The following SLC24A2 variants were observed in gnomAD, a reference collection of about 807,000 sequenced individuals.
The protein encoded by SLC24A2 is sodium/potassium/calcium exchanger 2.
A neutral mutation model predicts 62.0 loss-of-function variants in SLC24A2; 36 were observed. The ratio of observed to expected loss-of-function variants is 0.58; its 90% CI spans 0.44 to 0.77. The LOEUF is 0.77. Ranked by LOEUF, SLC24A2 falls within the 30% of genes least tolerant of loss-of-function variation. The probability of loss-of-function intolerance (pLI) is 0.00; values close to 1 mark genes in which losing one functional copy is unlikely to be tolerated. For synonymous variants in SLC24A2, 358 were observed against 294.0 expected (o/e 1.22, Z -2.23); for missense variants, 846 against 817.9 (o/e 1.03, Z -0.42).
the SLC24A2 span, among the ~76,000 whole-genome samples, chr9:20,206,884 G>GGA: frequency 2.3e-4 from 34 of 149,306 alleles, 1 homozygote; most frequent in East Asian, 6.2e-3. Flanking sequence ...ACTAAGTTGG[G>GGA]GGGGGCGGTT....
the SLC24A2 span, among the ~76,000 whole-genome samples, chr9:19,857,269 C>T: frequency 6.6e-6 from 1 of 152,334 alleles, no homozygotes; most frequent in East Asian, 1.9e-4. Context: ...CTATTACTGA[C>T]TTTGACCCTC....
At chr9:19,679,878 G>GTC (rs1554697554) in intron 2 of SLC24A2, among the ~76,000 whole-genome samples, 24 of 132,568 alleles carry the variant, frequency 1.8e-4, no homozygotes, top group African/African-American at 5.1e-4. Flanking sequence ...GTGTGTGTGT[G>GTC]TGTGTCTGTG....
chr9:19,517,910 A>AAC (rs56840950), intron 10 of SLC24A2, among the ~76,000 whole-genome samples: 10,440 of 131,490 alleles, frequency 0.079, 364 homozygotes, highest in African/African-American at 0.12. Flanking sequence ...TTCTTATTAA[A>AAC]ACACACACAC....
chr9:19,661,065 A>G (rs2118238859), intron 2 of SLC24A2, among the ~76,000 whole-genome samples: 1 of 152,316 alleles, frequency 6.6e-6, no homozygotes, highest in Middle Eastern at 3.4e-3. Context: ...TGAAATACTT[A>G]CAGGCCTTGC....
At chr9:19,733,412 C>G (rs566220739) in intron 2 of SLC24A2, among the ~76,000 whole-genome samples, 7 of 152,298 alleles carry the variant, frequency 4.6e-5, no homozygotes, top group East Asian at 1.9e-4. Context: ...CTTCAGTCAT[C>G]CAGCCCATTG....
chr9:19,769,003 T>C (rs1439342553), intron 2 of SLC24A2, among the ~76,000 whole-genome samples: 1 of 152,224 alleles, frequency 6.6e-6, no homozygotes, highest in Non-Finnish European at 1.5e-5. Context: ...TACACTCTCG[T>C]GTCTGAACTT....
chr9:20,237,147 CTG>C, the SLC24A2 span, among the ~76,000 whole-genome samples: 3 of 152,206 alleles, frequency 2.0e-5, no homozygotes, highest in Admixed American at 6.5e-5. Context: ...CTTTGTGAAA[CTG>C]TGAAATTTGC....
chr9:19,747,377 A>G (rs1704361981), intron 2 of SLC24A2, among the ~76,000 whole-genome samples: 1 of 152,160 alleles, frequency 6.6e-6, no homozygotes, highest in South Asian at 2.1e-4. Context: ...CATAAAATAC[A>G]CACACAATTT....
At chr9:19,912,705 C>T in the SLC24A2 span, among the ~76,000 whole-genome samples, 1 of 152,114 alleles carries the variant, frequency 6.6e-6, no homozygotes, top group South Asian at 2.1e-4. Flanking sequence ...CTGGAACCTC[C>T]CAGCTCACAT....
the SLC24A2 span, among the ~76,000 whole-genome samples, chr9:19,997,059 A>G: frequency 6.6e-6 from 1 of 150,870 alleles, no homozygotes; most frequent in Non-Finnish European, 1.5e-5. Context: ...CAAAAAAAGC[A>G]AACAATTTGC....
the SLC24A2 span, among the ~76,000 whole-genome samples, chr9:19,971,364 T>C: frequency 6.6e-6 from 1 of 152,196 alleles, no homozygotes; most frequent in Admixed American, 6.5e-5. Flanking sequence ...AGATAACTAA[T>C]ACAAAACCTA....
At chr9:20,204,091 T>C in the SLC24A2 span, among the ~76,000 whole-genome samples, 2 of 152,248 alleles carry the variant, frequency 1.3e-5, no homozygotes, top group Non-Finnish European at 2.9e-5. Context: ...ATATGTTAAA[T>C]TCAGATGTAA....
At chr9:19,711,242 A>G (rs1024961375) in intron 2 of SLC24A2, among the ~76,000 whole-genome samples, 1 of 152,200 alleles carries the variant, frequency 6.6e-6, no homozygotes, top group Non-Finnish European at 1.5e-5. Flanking sequence ...CAGAGGCTAC[A>G]TGATGTGTGA....
the SLC24A2 span, among the ~76,000 whole-genome samples, chr9:19,993,276 A>G: frequency 6.6e-6 from 1 of 152,222 alleles, no homozygotes; most frequent in Admixed American, 6.5e-5. Flanking sequence ...GCATATCCAC[A>G]TGCTAGCTTT....
intron 7 of SLC24A2, among the ~76,000 whole-genome samples, chr9:19,559,762 A>C (rs561149699): frequency 6.6e-6 from 1 of 152,320 alleles, no homozygotes; most frequent in Non-Finnish European, 1.5e-5. Flanking sequence ...CACCCAAAAC[A>C]GTGGCTGGCT....
chr9:19,783,792 A>G (rs1823083225), intron 2 of SLC24A2, among the ~76,000 whole-genome samples: 1 of 152,158 alleles, frequency 6.6e-6, no homozygotes, highest in Admixed American at 6.5e-5. Context: ...CATTTTTTTG[A>G]GAAGTACAAA....
At chr9:20,220,875 C>T in the SLC24A2 span, among the ~76,000 whole-genome samples, 1 of 152,136 alleles carries the variant, frequency 6.6e-6, no homozygotes, top group Non-Finnish European at 1.5e-5. Context: ...AGAACTTTCA[C>T]CTCTAAAGGA....
At chr9:19,542,697 G>A (rs1417133252) in intron 8 of SLC24A2, among the ~76,000 whole-genome samples, 3 of 152,132 alleles carry the variant, frequency 2.0e-5, no homozygotes, top group African/African-American at 7.2e-5. Flanking sequence ...AAATAATCAC[G>A]TGCTTTTTGT....
At chr9:20,144,569 T>C in the SLC24A2 span, among the ~76,000 whole-genome samples, 3 of 152,180 alleles carry the variant, frequency 2.0e-5, no homozygotes, top group African/African-American at 4.8e-5. Context: ...CAAGATCCAC[T>C]GTTTAACAAA....
Sources: allele counts gnomAD v4.1 joint callset (sites outside exome capture counted in the v4.1 genomes callset), GRCh38; gene constraint gnomAD v4.1.1; transcripts MANE v1.5; gene names NCBI Gene and HGNC (gene_info 2026-07-23, HGNC 2026-07-21).